DOP1B: variants seen among roughly 807,000 people sequenced by gnomAD.
DOP1B encodes the protein protein DOP1B.
DOP1B carries 174 observed loss-of-function variants against 233.5 expected under a neutral mutation model. That is an observed-to-expected ratio of 0.75 (90% CI 0.66 to 0.85). The LOEUF is 0.85. DOP1B is among the 40% of genes least tolerant of loss of function. The pLI is 0.00. For synonymous variants in DOP1B, 1,190 were observed against 1,185.6 expected (o/e 1.00, Z -0.08); for missense variants, 2,652 against 2,846.6 (o/e 0.93, Z 1.56).
In DOP1B at chr21:36,289,693, T is replaced by G. The variant is rs899512615; in HGVS notation, c.6515+487T>G. Among the ~76,000 whole-genome samples, 5 of 152,258 alleles carry G rather than the reference T, an allele frequency of 3.3e-5. No homozygotes were observed. In the Middle Eastern group the frequency reaches 0.014, roughly 414 times the overall value. On this transcript the variant is annotated intron_variant, in intron 35 of 36. Coordinates refer to ENST00000691173, the MANE Select transcript of DOP1B (RefSeq NM_001320714.2). The stretch of plus-strand genomic sequence containing the variant: ...TGACCAGCCCCAGAGGCTATTTCTC[T>G]CTCTCCTACCCCCACAAAGAGAGTA...
intron 23 of DOP1B, among the ~76,000 whole-genome samples, chr21:36,255,810 C>T (rs2067089414): frequency 6.6e-6 from 1 of 152,158 alleles, no homozygotes; most frequent in Non-Finnish European, 1.5e-5. Context: ...GAGGAGATTT[C>T]ATCTGGCTGC....
chr21:36,179,106 A>G (rs1056839738), intron 2 of DOP1B, among the ~76,000 whole-genome samples: 5 of 152,210 alleles, frequency 3.3e-5, no homozygotes, highest in Admixed American at 3.3e-4. Context: ...TCACTCAGCA[A>G]AGCTACTTCG....
chr21:36,246,298 G>A lies in DOP1B; in HGVS notation c.4318G>A (p.Glu1440Lys). 1 of 1,613,960 alleles carries A rather than the reference G, an allele frequency of 6.2e-7. No homozygotes were observed. Among genetic ancestry groups the A allele is most frequent in the Non-Finnish European group, 8.5e-7 (1 of 1,180,026 alleles). The change falls in exon 19 of 37, where the codon GAG becomes AAG. Residue 1440 changes from glutamate to lysine, a missense_variant. Transcript: ENST00000691173. The surrounding 1 kb of genome is among the most constrained non-coding windows in gnomAD (Gnocchi z 5.1). The part of the protein sequence containing the change: ...QIWSEHPLQI[E>K]LLKLLQVLIV... The stretch of plus-strand genomic sequence containing the variant: ...CTGGAGTGAGCACCCGCTGCAGATT[G>A]AGCTGCTGAAGCTGCTGCAGGTGCT...
chr21:36,214,312 G>A, intron 8 of DOP1B, 122 bp downstream of exon 8: 1 of 1,241,460 alleles, frequency 8.1e-7, no homozygotes, highest in African/African-American at 1.5e-5. Flanking sequence ...GGGAACTGCA[G>A]GGTATTTGTT....
chr21:36,160,749 G>T (rs1601368078), intron 1 of DOP1B, among the ~76,000 whole-genome samples: 2 of 152,174 alleles, frequency 1.3e-5, no homozygotes, highest in Middle Eastern at 6.8e-3. Flanking sequence ...AAGTGCTGGG[G>T]TTACAGGCGT....
chr21:36,251,382 GGA>G, intron 22 of DOP1B, 98 bp downstream of exon 22: 1 of 1,449,358 alleles, frequency 6.9e-7, no homozygotes, highest in Non-Finnish European at 9.2e-7. Flanking sequence ...AGCCAGCATG[GGA>G]AACTATTGAG....
chr21:36,288,660 T>C, intron 33 of DOP1B, 96 bp from the exon 34 acceptor site: 1 of 916,556 alleles, frequency 1.1e-6, no homozygotes, highest in South Asian at 1.6e-5. Flanking sequence ...TATTCATTCA[T>C]TCATAAATTA....
Position 36,245,965 on chromosome 21 carries a change from T to G in DOP1B, c.3985T>G (p.Cys1329Gly). 6.2e-7 allele frequency: 1 copy of G among 1,613,942 alleles called. No individual in the cohort carries two copies. Among genetic ancestry groups the G allele is most frequent in the Non-Finnish European group, 8.5e-7 (1 of 1,179,972 alleles). The change falls in exon 19 of 37, where the codon TGC (cysteine) becomes GGC (glycine). Residue 1329 changes from cysteine to glycine, a missense_variant. Cys to Gly is a radical substitution (Grantham distance 159). Coordinates refer to ENST00000691173, the MANE Select transcript of DOP1B (RefSeq NM_001320714.2). This position sits in a 1 kb window ranked among gnomAD's most constrained non-coding sequence, Gnocchi z 5.5. ...GAGCTTCCTGCGCTCCTACTACCCT[T>G]GCTATTTGAAGGTCTCGCACCGAGA... ...CLSFLRSYYP[C>G]YLKVSHRDIL...
rs148927119 is a variant in DOP1B at position 36,210,255 on chromosome 21, C to G, written c.682-1298C>G. ...GGGTGCGGTGACTCATGCCTGTAAT[C>G]TCAGCACTTTGGGAGCCCTGAGGCA... On this transcript the variant is annotated intron_variant, in intron 5 of 36. Transcript: ENST00000691173. 7.6e-3 allele frequency among the ~76,000 whole-genome samples: 1,153 copies of G among 152,192 alleles called. 13 individuals are homozygous for G. The highest frequency in any genetic ancestry group is 0.026 in the African/African-American group (1,075 of 41,536).
At chr21:36,224,886 T>C (rs1344626442) in intron 11 of DOP1B, among the ~76,000 whole-genome samples, 1 of 151,942 alleles carries the variant, frequency 6.6e-6, no homozygotes, top group Non-Finnish European at 1.5e-5. Flanking sequence ...CCCAGGCCAC[T>C]CCTACAGCAG....
intron 35 of DOP1B, among the ~76,000 whole-genome samples, chr21:36,291,282 T>C (rs1379020167): frequency 1.4e-5 from 2 of 147,288 alleles, no homozygotes; most frequent in Non-Finnish European, 3.0e-5. Context: ...AAGTGGAGGC[T>C]AGGCGCAGTG....
intron 33 of DOP1B, 58 bp from the exon 34 acceptor site, chr21:36,288,698 A>T: frequency 7.7e-7 from 1 of 1,296,880 alleles, no homozygotes; most frequent in South Asian, 1.3e-5. Context: ...AGTAAAAAAA[A>T]ATATTTGGGT....
chr21:36,179,256 T>C (rs2066067115), intron 2 of DOP1B, among the ~76,000 whole-genome samples: 1 of 152,252 alleles, frequency 6.6e-6, no homozygotes, highest in African/African-American at 2.4e-5. Flanking sequence ...ATGTTTAATT[T>C]TTTAAGAAGC....
intron 1 of DOP1B, among the ~76,000 whole-genome samples, chr21:36,162,544 C>G (rs1193370789): frequency 1.3e-5 from 2 of 151,660 alleles, no homozygotes; most frequent in Non-Finnish European, 2.9e-5. Flanking sequence ...AAAGTCTTCA[C>G]TTTCTTTTTT....
At chr21:36,291,536 G>C (rs2067559815) in intron 35 of DOP1B, among the ~76,000 whole-genome samples, 1 of 152,158 alleles carries the variant, frequency 6.6e-6, no homozygotes, top group African/African-American at 2.4e-5. Flanking sequence ...CTCCAGACTG[G>C]GCGACAGAAC....
At chr21:36,180,075 T>C (rs999055846) in intron 2 of DOP1B, among the ~76,000 whole-genome samples, 7 of 152,128 alleles carry the variant, frequency 4.6e-5, no homozygotes, top group Non-Finnish European at 1.0e-4. Flanking sequence ...ATCTTGTCAC[T>C]CTTCTGATTC....
intron 24 of DOP1B, 143 bp downstream of exon 24, chr21:36,260,875 C>T (rs1039904021): frequency 5.4e-6 from 8 of 1,493,280 alleles, no homozygotes; most frequent in Non-Finnish European, 7.1e-6. Flanking sequence ...ATAATTTCTT[C>T]CCAAGGTATT....
At chr21:36,250,126 C>A (rs956443136) in intron 21 of DOP1B, among the ~76,000 whole-genome samples, 7 of 152,096 alleles carry the variant, frequency 4.6e-5, no homozygotes, top group East Asian at 1.9e-4. Flanking sequence ...TAACTCCTAG[C>A]CCTCCCTGAG....
chr21:36,210,442 C>G (rs371857412), intron 5 of DOP1B, among the ~76,000 whole-genome samples: 1 of 152,126 alleles, frequency 6.6e-6, no homozygotes, highest in South Asian at 2.1e-4. Flanking sequence ...GCCAGGAGTT[C>G]AAGACCACCC....
Sources: gnomAD v4.1 joint callset for allele counts (sites outside exome capture counted in the v4.1 genomes callset) on GRCh38, gnomAD v4.1.1 for gene constraint, Gnocchi (gnomAD v3.1) non-coding constraint, MANE v1.5 for transcripts, NCBI Gene and HGNC (gene_info 2026-07-23, HGNC 2026-07-21) for gene names.